Variants in PIEZO2 observed in about 807,000 individuals in gnomAD.
PIEZO2 encodes piezo-type mechanosensitive ion channel component 2.
Under a neutral mutation model 337.3 loss-of-function variants are expected in PIEZO2, and 172 were observed. The observed-to-expected ratio is 0.51, with a 90% CI of 0.45 to 0.58. The LOEUF (loss-of-function observed/expected upper bound fraction) is 0.58. Ranked by LOEUF, PIEZO2 falls within the 20% of genes least tolerant of loss-of-function variation. The pLI, the probability that PIEZO2 is intolerant of heterozygous loss-of-function variation, is 0.00. For missense variants in PIEZO2, 3,028 were observed against 3,391.3 expected (o/e 0.89, Z 2.66); for synonymous variants, 1,251 against 1,228.5 (o/e 1.02, Z -0.38).
At chr18:10,849,901 T>C (rs1208026240) in intron 7 of PIEZO2, among the ~76,000 whole-genome samples, 5 of 152,238 alleles carry the variant, frequency 3.3e-5, no homozygotes, top group Non-Finnish European at 7.3e-5. Flanking sequence ...GGTATATTAC[T>C]GGTCTTAGAT....
intron 14 of PIEZO2, among the ~76,000 whole-genome samples, chr18:10,790,177 G>T (rs1170277677): frequency 1.3e-5 from 2 of 152,128 alleles, no homozygotes; most frequent in Admixed American, 6.5e-5. Flanking sequence ...ATACAGGCAA[G>T]ATTTGAATCT....
At position 10,680,228 on chromosome 18, in the gene PIEZO2, G is replaced by T. The variant is rs1209878068; in HGVS notation, c.7923C>A (p.Phe2641Leu). The T allele has an allele frequency of 1.1e-5, 18 of 1,613,408 alleles. No homozygotes were observed. Among genetic ancestry groups the T allele is most frequent in the Non-Finnish European group, 1.4e-5 (16 of 1,179,692 alleles). The change falls in exon 52 of 56, where the codon TTC becomes TTA. Residue 2641 changes from phenylalanine (F) to leucine (L), a missense_variant. Physicochemically the swap from Phe to Leu is conservative, Grantham distance 22 (BLOSUM62 0). Transcript: ENST00000674853. Reference protein sequence around the residue: ...IHELLDPNSSFSVVFSWSIQR... With the variant: ...IHELLDPNSSLSVVFSWSIQR... ...GAATACTCCATGAAAAAACAACAGA[G>T]AAGCTACTATTGGGGTCCAGGAGTT...
chr18:10,871,452 A>G, intron 4 of PIEZO2, 37 bp from the exon 5 acceptor site: 1 of 1,512,054 alleles, frequency 6.6e-7, no homozygotes, highest in Non-Finnish European at 8.8e-7. Flanking sequence ...AAAAAAATTT[A>G]GTTCTTATAT....
intron 39 of PIEZO2, among the ~76,000 whole-genome samples, chr18:10,710,473 C>T (rs1169567778): frequency 1.2e-4 from 19 of 152,188 alleles, no homozygotes; most frequent in Non-Finnish European, 5.9e-5. Flanking sequence ...GAATGCCCCT[C>T]AGAATGTTAA....
Position 10,979,456 on chromosome 18 carries a change from G to A in PIEZO2, c.286+79C>T. 7.8e-7 allele frequency: 1 copy of A among 1,275,688 alleles called. No homozygotes were observed. The allele number at this position is 1,275,688 out of a possible 1,614,324, so 79.0% of individuals were successfully genotyped here. A position where few individuals can be genotyped will look rare whatever the true frequency, so the allele number is the denominator to read the frequency against. ...AATTATTGCATAGATTTCTATGTGT[G>A]CGATGACACACAGCTTTATTATGCA... is the stretch of plus-strand genomic sequence containing the variant. On this transcript the variant is annotated intron_variant, in intron 3 of 55. Coordinates refer to ENST00000674853, the MANE Select transcript of PIEZO2 (RefSeq NM_001378183.1). This position sits in a 1 kb window ranked among gnomAD's most constrained non-coding sequence, Gnocchi z 4.0.
chr18:10,797,607 G>C, intron 11 of PIEZO2, 85 bp from the exon 12 acceptor site: 3 of 1,485,130 alleles, frequency 2.0e-6, no homozygotes, highest in Non-Finnish European at 2.7e-6. Context: ...CACATGTATG[G>C]TTTTGGTATA....
In PIEZO2 at chr18:10,789,174, C is replaced by T; in HGVS notation, c.2074G>A (p.Gly692Arg). 1.3e-6 allele frequency: 2 copies of T among 1,537,262 alleles called. No individual in the cohort carries two copies. Among genetic ancestry groups the T allele is most frequent in the Non-Finnish European group, 8.7e-7 (1 of 1,146,888 alleles). The change falls in exon 15 of 56, where the codon GGA (glycine) becomes AGA (arginine). Residue 692 changes from glycine (G) to arginine (R), a missense_variant. Around this residue, in one of 5 missense-constraint regions of PIEZO2, gnomAD observed 1,925 missense variants for 2,051.9 expected, o/e 0.94. Coordinates refer to ENST00000674853, the MANE Select transcript of PIEZO2 (RefSeq NM_001378183.1). ...AAGCTGACGAAGAAGAACATGCCTC[C>T]GCAGACGTAGATCCAGTACTTGATG... is the stretch of plus-strand genomic sequence containing the variant. ...MFIKYWIYVC[G>R]GMFFFVSFEG...
chr18:10,723,784 G>C (rs899510166), intron 36 of PIEZO2, among the ~76,000 whole-genome samples: 4 of 152,190 alleles, frequency 2.6e-5, no homozygotes, highest in African/African-American at 9.7e-5. Flanking sequence ...TCAGATAGGG[G>C]ACAAGGCAGA....
In PIEZO2 at chr18:11,028,370, C is replaced by T. The variant is rs2036611226; in HGVS notation, c.160+37757G>A. Among the ~76,000 whole-genome samples, 1 of 152,048 alleles carries T rather than the reference C, an allele frequency of 6.6e-6. No homozygotes were observed. Among genetic ancestry groups the T allele is most frequent in the Non-Finnish European group, 1.5e-5 (1 of 68,030 alleles). On this transcript the variant is annotated intron_variant, in intron 2 of 55. Coordinates refer to ENST00000674853, the MANE Select transcript of PIEZO2 (RefSeq NM_001378183.1). This position sits in a 1 kb window ranked among gnomAD's most constrained non-coding sequence, Gnocchi z 4.8. The stretch of plus-strand genomic sequence containing the variant: ...CTGCCTCCCAGGTTCAAGCAATTAT[C>T]TTGCCTCAGCCTCCTGAGTAGCTGG...
intron 4 of PIEZO2, among the ~76,000 whole-genome samples, chr18:10,905,581 CA>C (rs11318022): frequency 0.9 from 114,750 of 128,024 alleles, 51,277 homozygotes; most frequent in East Asian, 0.99. Context: ...GAAACTGTTT[CA>C]AAAAAAAAAA....
chr18:11,139,823 G>C (rs1224444946), intron 1 of PIEZO2, among the ~76,000 whole-genome samples: 1 of 152,172 alleles, frequency 6.6e-6, no homozygotes, highest in Middle Eastern at 3.2e-3. Flanking sequence ...GGTATGTCAA[G>C]ATAGACTTCT....
In PIEZO2 at chr18:11,092,174, G is replaced by A. The variant is rs534934264; in HGVS notation, c.65-25952C>T. Among the ~76,000 whole-genome samples the A allele has an allele frequency of 6.6e-5, 10 of 152,216 alleles. No individual in the cohort carries two copies. Among genetic ancestry groups the A allele is most frequent in the East Asian group, 3.9e-4 (2 of 5,184 alleles). On this transcript the variant is annotated intron_variant, in intron 1 of 55. Coordinates refer to ENST00000674853, the MANE Select transcript of PIEZO2 (RefSeq NM_001378183.1). The surrounding 1 kb of genome is among the most constrained non-coding windows in gnomAD (Gnocchi z 4.5). ...CAGAGATTAATGGAGCATAATTCTC[G>A]TCCAAGATCGAGAACACATCATTAG...
chr18:10,928,324 A>G (rs1349445809), intron 3 of PIEZO2, among the ~76,000 whole-genome samples: 1 of 152,176 alleles, frequency 6.6e-6, no homozygotes, highest in East Asian at 1.9e-4. Context: ...ACCAAAGTCA[A>G]AACAGAGGCA....
intron 1 of PIEZO2, among the ~76,000 whole-genome samples, chr18:11,118,279 C>T (rs957769791): frequency 7.9e-5 from 12 of 152,306 alleles, no homozygotes; most frequent in African/African-American, 1.2e-4. Context: ...GCCTCTCCAA[C>T]GCTGGGACCT....
chr18:10,701,241 G>A (rs1239376108), intron 43 of PIEZO2, among the ~76,000 whole-genome samples: 3 of 152,212 alleles, frequency 2.0e-5, no homozygotes, highest in Admixed American at 2.0e-4. Flanking sequence ...TAAAATCTAT[G>A]CTATGCAATA....
chr18:10,810,747 G>T (rs764506871), intron 7 of PIEZO2, among the ~76,000 whole-genome samples: 1 of 152,150 alleles, frequency 6.6e-6, no homozygotes, highest in Non-Finnish European at 1.5e-5. Context: ...AGAATTGGGG[G>T]TATATGTACC....
rs1041707291 is a variant in PIEZO2 at position 11,143,845 on chromosome 18, G to A, written c.64+4680C>T. Among the ~76,000 whole-genome samples the A allele has an allele frequency of 2.0e-5, 3 of 152,242 alleles. No individual in the cohort carries two copies. Among genetic ancestry groups the A allele is most frequent in the African/African-American group, 7.2e-5 (3 of 41,466 alleles). On this transcript the variant is annotated intron_variant, in intron 1 of 55. Transcript: ENST00000674853. The surrounding 1 kb of genome is among the most constrained non-coding windows in gnomAD (Gnocchi z 4.9). The stretch of plus-strand genomic sequence containing the variant: ...TCTCTGCTCATCTTCATAAAGGTAA[G>A]GCAGCGCCTGCTGTGTGTCAGGCTT...
intron 1 of PIEZO2, among the ~76,000 whole-genome samples, chr18:11,141,844 G>C (rs1203812337): frequency 6.6e-6 from 1 of 152,184 alleles, no homozygotes; most frequent in African/African-American, 2.4e-5. Context: ...CTCCTGAAGA[G>C]AGCAGTGAAG....
intron 36 of PIEZO2, among the ~76,000 whole-genome samples, chr18:10,720,741 G>A (rs1378133980): frequency 6.6e-6 from 1 of 151,916 alleles, no homozygotes; most frequent in East Asian, 1.9e-4. Flanking sequence ...CACAGCTCCT[G>A]GCTCAGTTTC....
Sources: gnomAD v4.1 joint callset for allele counts (sites outside exome capture counted in the v4.1 genomes callset) on GRCh38, gnomAD v4.1.1 for gene constraint, gnomAD v4.1.1 regional missense constraint, Gnocchi (gnomAD v3.1) non-coding constraint, MANE v1.5 for transcripts, NCBI Gene and HGNC (gene_info 2026-07-23, HGNC 2026-07-21) for gene names.